The following PKNOX2 variants were observed in gnomAD, a reference collection of about 807,000 sequenced individuals.
PKNOX2 encodes the protein PBX/knotted 1 homeobox 2.
In PKNOX2, 14 loss-of-function variants were observed where a neutral mutation model predicts 53.1. That is an observed-to-expected ratio of 0.26 (90% CI 0.17 to 0.41). The LOEUF is 0.41. Ranked by LOEUF, PKNOX2 falls within the 10% of genes least tolerant of loss-of-function variation. The pLI is 1.00. For missense variants in PKNOX2, 496 were observed against 602.8 expected, an observed-to-expected ratio of 0.82 and a Z score of 1.85; for synonymous variants, 257 against 242.8, an observed-to-expected ratio of 1.06 and a Z score of -0.54.
chr11:125,204,594 G>A (rs1464698259), intron 1 of PKNOX2, among the ~76,000 whole-genome samples: 1 of 152,180 alleles, frequency 6.6e-6, no homozygotes, highest in Non-Finnish European at 1.5e-5. Flanking sequence ...TGAGTTCTGG[G>A]GAAGTCGATG....
chr11:125,304,137 A>G (rs2135971931), intron 2 of PKNOX2, among the ~76,000 whole-genome samples: 1 of 152,282 alleles, frequency 6.6e-6, no homozygotes, highest in East Asian at 1.9e-4. Flanking sequence ...TCCATAGGAA[A>G]GGCTGTTGGT....
intron 10 of PKNOX2, among the ~76,000 whole-genome samples, chr11:125,421,221 C>T (rs996089137): frequency 6.6e-5 from 10 of 152,194 alleles, no homozygotes; most frequent in African/African-American, 1.4e-4. Flanking sequence ...TATACAAGCA[C>T]GGACACTCGA....
intron 1 of PKNOX2, among the ~76,000 whole-genome samples, chr11:125,223,725 AC>A (rs1009711080): frequency 2.6e-5 from 4 of 152,218 alleles, no homozygotes; most frequent in African/African-American, 9.6e-5. Flanking sequence ...ACAAAAAAAA[AC>A]AACTGTCCTC....
intron 4 of PKNOX2, among the ~76,000 whole-genome samples, chr11:125,355,277 G>GAAAAAAAA (rs61437536): frequency 1.1e-4 from 12 of 109,196 alleles, no homozygotes; most frequent in Non-Finnish European, 1.0e-4. Flanking sequence ...AAAAAAAAAA[G>GAAAAAAAA]AAAAAAAAAA....
At chr11:125,239,984 A>C (rs987463548) in intron 2 of PKNOX2, 2 of 152,248 alleles carry the variant, frequency 1.3e-5, no homozygotes, top group African/African-American at 4.8e-5. Context: ...AGTGGTAAAA[A>C]ATAATGGCTG....
intron 6 of PKNOX2, among the ~76,000 whole-genome samples, chr11:125,389,909 C>T (rs1248332547): frequency 1.3e-5 from 2 of 152,044 alleles, no homozygotes; most frequent in Admixed American, 6.5e-5. Context: ...AATAGGGACC[C>T]CCAGGCCCCT....
chr11:125,324,387 C>T (rs2136078237), intron 2 of PKNOX2, among the ~76,000 whole-genome samples: 1 of 152,336 alleles, frequency 6.6e-6, no homozygotes. Context: ...GTGTTATACA[C>T]TCCACATGTC....
intron 1 of PKNOX2, among the ~76,000 whole-genome samples, chr11:125,210,133 G>T (rs1689554469): frequency 6.6e-6 from 1 of 152,140 alleles, no homozygotes; most frequent in Admixed American, 6.5e-5. Context: ...ACAGCTTCTT[G>T]TGCAGAAAGA....
chr11:125,430,098 G>A lies in PKNOX2; in HGVS notation c.1149G>A (p.Gly383=). The A allele has an allele frequency of 6.2e-7, 1 of 1,614,136 alleles. No homozygotes were observed. The highest frequency in any genetic ancestry group is 8.5e-7 in the Non-Finnish European group (1 of 1,180,010). ...QRFWPNSIAA[G]VLQQQGGAPG... is the part of the protein sequence containing the mutation. ...TCTGGCCCAACTCCATCGCTGCGGG[G>A]GTGCTGCAGCAGCAGGGCGGTGCCC... The change falls in exon 12 of 13, where the codon GGG becomes GGA. Residue 383 remains glycine, a synonymous_variant. Transcript: ENST00000298282.
chr11:125,222,605 C>CTGTGTGTGTGTGTCTGTG (rs1010713566), intron 1 of PKNOX2, among the ~76,000 whole-genome samples: 2 of 140,676 alleles, frequency 1.4e-5, no homozygotes, highest in African/African-American at 5.2e-5. Context: ...GTGTGTGTGT[C>CTGTGTGTGTGTGTCTGTG]TGTGTGTATG....
intron 6 of PKNOX2, among the ~76,000 whole-genome samples, chr11:125,388,550 T>G (rs1207971250): frequency 6.6e-6 from 1 of 152,114 alleles, no homozygotes; most frequent in Non-Finnish European, 1.5e-5. Flanking sequence ...GGAGGGCACT[T>G]GGGTCCCCAA....
At chr11:125,184,555 G>A (rs1444006007) in intron 1 of PKNOX2, among the ~76,000 whole-genome samples, 1 of 152,218 alleles carries the variant, frequency 6.6e-6, no homozygotes, top group Non-Finnish European at 1.5e-5. Context: ...ACCCTACTGT[G>A]TGGTGGGGCA....
intron 1 of PKNOX2, among the ~76,000 whole-genome samples, chr11:125,168,544 C>T (rs935738934): frequency 1.3e-5 from 2 of 152,230 alleles, no homozygotes; most frequent in Non-Finnish European, 2.9e-5. Flanking sequence ...AAACATACCT[C>T]CTCTCCCTTG....
intron 8 of PKNOX2, 39 bp downstream of exon 8, chr11:125,410,364 C>G: frequency 6.2e-7 from 1 of 1,611,194 alleles, no homozygotes; most frequent in Non-Finnish European, 8.5e-7. Context: ...GTGGGAATTC[C>G]CTGGGAGGAG....
At chr11:125,279,238 C>T (rs1946386620) in intron 2 of PKNOX2, among the ~76,000 whole-genome samples, 1 of 152,134 alleles carries the variant, frequency 6.6e-6, no homozygotes, top group Admixed American at 6.5e-5. Flanking sequence ...CAAGGTTGTG[C>T]CTGGACCTCT....
intron 8 of PKNOX2, 43 bp from the exon 9 acceptor site, chr11:125,410,736 C>T: frequency 1.4e-6 from 2 of 1,477,522 alleles, no homozygotes; most frequent in South Asian, 2.3e-5. Flanking sequence ...TCGCTCCTAC[C>T]CACTCCCATG....
intron 2 of PKNOX2, among the ~76,000 whole-genome samples, chr11:125,308,574 A>C (rs1948606939): frequency 6.6e-6 from 1 of 152,194 alleles, no homozygotes; most frequent in South Asian, 2.1e-4. Context: ...CGACCTCCAC[A>C]ATGTGTTCAC....
In PKNOX2 at chr11:125,414,262, G is replaced by A. The variant is rs151066049; in HGVS notation, c.936+2397G>A. ...CATCTACAGAAAGCACCAGGGATAG[G>A]GTAGAGGACTTGCCGAAACGCATGA... On this transcript the variant is annotated intron_variant, in intron 10 of 12. Coordinates refer to ENST00000298282, the MANE Select transcript of PKNOX2 (RefSeq NM_001382323.2). 2.4e-4 allele frequency among the ~76,000 whole-genome samples: 37 copies of A among 152,284 alleles called. No individual in the cohort carries two copies. The East Asian group carries it at 6.4e-3, about 26-fold the overall frequency.
chr11:125,178,618 GAAAGAAAGAA>G (rs1955895382), intron 1 of PKNOX2, among the ~76,000 whole-genome samples: 1 of 57,164 alleles, frequency 1.7e-5, no homozygotes, highest in Non-Finnish European at 3.2e-5. Flanking sequence ...AGGAAAGAAA[GAAAGAAAGAA>G]AGAAAGAAAG....
Sources: gnomAD v4.1 joint callset for allele counts (sites outside exome capture counted in the v4.1 genomes callset) on GRCh38, gnomAD v4.1.1 for gene constraint, MANE v1.5 for transcripts, NCBI Gene and HGNC (gene_info 2026-07-23, HGNC 2026-07-21) for gene names.